PDE4D: variants seen among roughly 807,000 people sequenced by gnomAD.
PDE4D encodes the protein 3',5'-cyclic-AMP phosphodiesterase 4D.
A neutral mutation model predicts 87.4 loss-of-function variants in PDE4D; 24 were observed. That is an observed-to-expected ratio of 0.27 (90% CI 0.20 to 0.39). The LOEUF (loss-of-function observed/expected upper bound fraction) is 0.39. Among genes scored for constraint, PDE4D ranks in the 10% least tolerant of loss-of-function variants. The pLI is 1.00. For synonymous variants in PDE4D, 384 were observed against 383.2 expected, an observed-to-expected ratio of 1.00 and a Z score of -0.02; for missense variants, 714 against 1,041.0, an observed-to-expected ratio of 0.69 and a Z score of 4.32.
At chr5:60,383,028 A>G (rs1761971648) in intron 1 of PDE4D, among the ~76,000 whole-genome samples, 1 of 152,218 alleles carries the variant, frequency 6.6e-6, no homozygotes, top group Admixed American at 6.5e-5. Context: ...GAGTACATGC[A>G]GAATAAGAAC....
intron 11 of PDE4D, among the ~76,000 whole-genome samples, chr5:58,984,889 C>G (rs986986223): frequency 6.6e-6 from 1 of 152,028 alleles, no homozygotes; most frequent in African/African-American, 2.4e-5. Context: ...GTTCATGCTG[C>G]TATTTACATT....
intron 1 of PDE4D, among the ~76,000 whole-genome samples, chr5:59,806,898 A>G (rs1024894591): frequency 2.6e-5 from 4 of 152,252 alleles, no homozygotes; most frequent in African/African-American, 9.6e-5. Flanking sequence ...ATTTCTTTAA[A>G]AATAAAATTT....
At chr5:59,863,574 C>T (rs1746589454) in intron 1 of PDE4D, among the ~76,000 whole-genome samples, 1 of 152,074 alleles carries the variant, frequency 6.6e-6, no homozygotes, top group African/African-American at 2.4e-5. Context: ...CTGAAACAAC[C>T]ATTGGACTGA....
intron 1 of PDE4D, among the ~76,000 whole-genome samples, chr5:60,322,409 C>CAAAA (rs1314569842): frequency 1.5e-5 from 2 of 135,258 alleles, no homozygotes; most frequent in African/African-American, 5.8e-5. Context: ...CACACACACA[C>CAAAA]ACACACAAAA....
At chr5:59,651,909 C>T (rs1481731265) in intron 1 of PDE4D, among the ~76,000 whole-genome samples, 1 of 152,180 alleles carries the variant, frequency 6.6e-6, no homozygotes, top group Non-Finnish European at 1.5e-5. Context: ...GTGCTCTCAG[C>T]TGTCAGCCCT....
In PDE4D at chr5:60,472,381, T is replaced by C. The variant is rs147858130; in HGVS notation, c.-90+15561A>G. On this transcript the variant is annotated intron_variant, in intron 1 of 16. Coordinates refer to the PDE4D transcript ENST00000502484. ...AGTCTAGCACCGGAGTTCCTACTCT[T>C]GATCACTGCCATAAGCTGCCTCCAA... Among the ~76,000 whole-genome samples the C allele has an allele frequency of 3.3e-4, 50 of 152,308 alleles. No homozygotes were observed. In the East Asian group the frequency reaches 8.3e-3, roughly 25 times the overall value.
Position 59,531,790 on chromosome 5 carries a change from C to T in PDE4D, c.456-315822G>A, listed in dbSNP as rs1222997411. Among the ~76,000 whole-genome samples the T allele has an allele frequency of 3.3e-5, 5 of 152,180 alleles. No homozygotes were observed. The East Asian group carries it at 7.7e-4, about 23-fold the overall frequency. ...GTGTGATTAGATTGGGCCCACTGGG[C>T]TAATACGGACACTACATCTCAAGGT... On this transcript the variant is annotated intron_variant, in intron 1 of 14. Transcript: ENST00000340635.
intron 3 of PDE4D, among the ~76,000 whole-genome samples, chr5:59,919,525 T>C (rs914007298): frequency 6.6e-5 from 10 of 152,320 alleles, no homozygotes; most frequent in Non-Finnish European, 1.0e-4. Flanking sequence ...AGGTAACTAC[T>C]ACCCATTCTC....
chr5:60,245,942 T>C (rs1387941053), intron 1 of PDE4D, among the ~76,000 whole-genome samples: 1 of 151,900 alleles, frequency 6.6e-6, no homozygotes, highest in African/African-American at 2.4e-5. Context: ...TTGGATTGTT[T>C]GTAACACAAA....
intron 3 of PDE4D, among the ~76,000 whole-genome samples, chr5:59,976,906 C>A (rs1418501306): frequency 6.6e-6 from 1 of 152,184 alleles, no homozygotes; most frequent in African/African-American, 2.4e-5. Context: ...TGGGGTGCCA[C>A]AAACCATGCC....
intron 1 of PDE4D, among the ~76,000 whole-genome samples, chr5:60,383,611 G>A: frequency 6.6e-6 from 1 of 152,148 alleles, no homozygotes; most frequent in Non-Finnish European, 1.5e-5. Flanking sequence ...AGAGGTGAAT[G>A]GACTTGTCCC....
At chr5:60,120,055 A>G (rs573480086) in intron 2 of PDE4D, among the ~76,000 whole-genome samples, 15 of 152,358 alleles carry the variant, frequency 9.8e-5, no homozygotes, top group African/African-American at 3.4e-4. Flanking sequence ...CAGGTCTAAA[A>G]GAATAATCTA....
intron 5 of PDE4D, chr5:59,157,445 A>C: frequency 1.5e-6 from 1 of 669,446 alleles, no homozygotes; most frequent in Non-Finnish European, 2.7e-6. Flanking sequence ...AAGAGTTACT[A>C]TTGTAAACCA....
chr5:59,232,811 C>CATAT (rs139070531), intron 1 of PDE4D, among the ~76,000 whole-genome samples: 2,960 of 143,524 alleles, frequency 0.021, 34 homozygotes, highest in Non-Finnish European at 0.027. Flanking sequence ...AGAGAAAATA[C>CATAT]ATATATATAT....
At chr5:59,692,148 T>C (rs1438020946) in intron 1 of PDE4D, among the ~76,000 whole-genome samples, 1 of 152,170 alleles carries the variant, frequency 6.6e-6, no homozygotes, top group Non-Finnish European at 1.5e-5. Flanking sequence ...ACGTAGAATA[T>C]CCTTTGTTCC....
chr5:59,632,908 C>T (rs1831754062), intron 1 of PDE4D, among the ~76,000 whole-genome samples: 1 of 152,088 alleles, frequency 6.6e-6, no homozygotes, highest in African/African-American at 2.4e-5. Flanking sequence ...CAGAAATAGG[C>T]TTCAGAAGGT....
chr5:59,112,863 C>T lies in PDE4D; in HGVS notation c.808+67732G>A, dbSNP rs189556456. ...TTGCCCAGGCTGGAGTGCAGTGGCG[C>T]GATCTCAGCTCACCACAACCTCTGC... On this transcript the variant is annotated intron_variant, in intron 5 of 14. Coordinates refer to ENST00000340635, the MANE Select transcript of PDE4D (RefSeq NM_001104631.2). 5.3e-5 allele frequency among the ~76,000 whole-genome samples: 8 copies of T among 149,878 alleles called. No homozygotes were observed. In the South Asian group the frequency reaches 8.4e-4, roughly 16 times the overall value.
At chr5:59,987,089 T>C (rs950257498) in intron 3 of PDE4D, 7 of 152,208 alleles carry the variant, frequency 4.6e-5, no homozygotes, top group Non-Finnish European at 1.0e-4. Flanking sequence ...AATATGACTA[T>C]TTGCTGAATT....
intron 4 of PDE4D, 45 bp from the exon 5 acceptor site, chr5:59,180,689 A>T: frequency 6.5e-7 from 1 of 1,536,226 alleles, no homozygotes; most frequent in Non-Finnish European, 9.0e-7. Flanking sequence ...TGTGGGGCTT[A>T]TTGATTTGAT....
Sources: gnomAD v4.1 joint callset for allele counts (sites outside exome capture counted in the v4.1 genomes callset) on GRCh38, gnomAD v4.1.1 for gene constraint, MANE v1.5 for transcripts, NCBI Gene and HGNC (gene_info 2026-07-23, HGNC 2026-07-21) for gene names.